Variants in KIF3A observed in about 807,000 individuals in gnomAD.
The protein encoded by KIF3A is kinesin-like protein KIF3A.
KIF3A carries 27 observed loss-of-function variants against 92.6 expected under a neutral mutation model. The observed-to-expected ratio is 0.29, with a 90% CI of 0.21 to 0.40. The LOEUF is 0.40. Among genes scored for constraint, KIF3A ranks in the 10% least tolerant of loss-of-function variants. The pLI is 1.00. For missense variants in KIF3A, 581 were observed against 872.6 expected (o/e 0.67, Z 4.21); for synonymous variants, 250 against 275.4 (o/e 0.91, Z 0.92).
chr5:132,732,334 A>C (rs1210177511), intron 2 of KIF3A, among the ~76,000 whole-genome samples: 1 of 152,224 alleles, frequency 6.6e-6, no homozygotes, highest in Admixed American at 6.5e-5. Flanking sequence ...AGAGAAACTA[A>C]ACATATGTTC....
intron 5 of KIF3A, among the ~76,000 whole-genome samples, chr5:132,718,767 T>C (rs1186648534): frequency 6.6e-6 from 1 of 152,176 alleles, no homozygotes; most frequent in African/African-American, 2.4e-5. Context: ...GCTGGGATTA[T>C]AGGCGTAAGC....
intron 2 of KIF3A, among the ~76,000 whole-genome samples, chr5:132,732,736 C>T (rs1484871144): frequency 2.0e-5 from 3 of 152,110 alleles, no homozygotes; most frequent in Non-Finnish European, 2.9e-5. Flanking sequence ...GGTGAAACCC[C>T]GTCTCTACTA....
chr5:132,692,234 C>T (rs183920537), downstream of KIF3A, among the ~76,000 whole-genome samples: 16 of 151,954 alleles, frequency 1.1e-4, no homozygotes, highest in Middle Eastern at 6.8e-3. Context: ...CTTATGAACA[C>T]GAAGAAGGAA....
intron 18 of KIF3A, chr5:132,697,980 C>T (rs916546685): frequency 2.0e-5 from 3 of 152,168 alleles, no homozygotes; most frequent in African/African-American, 7.2e-5. Flanking sequence ...TTTCTTAGAA[C>T]TGATTTGCTT....
chr5:132,724,809 A>AAAT (rs1385956122), intron 4 of KIF3A, among the ~76,000 whole-genome samples: 228 of 10,496 alleles, frequency 0.022, 26 homozygotes, highest in African/African-American at 0.046. Flanking sequence ...AAAAAAAAAT[A>AAAT]TATATATATA....
chr5:132,709,036 AACAC>A, intron 9 of KIF3A, 58 bp from the exon 10 acceptor site: 1 of 1,280,188 alleles, frequency 7.8e-7, no homozygotes, highest in Non-Finnish European at 1.1e-6. Context: ...CAAGAAAATG[AACAC>A]ACACACAGAG....
At chr5:132,704,111 A>C (rs188191400) in intron 11 of KIF3A, among the ~76,000 whole-genome samples, 122 of 152,090 alleles carry the variant, frequency 8.0e-4, no homozygotes, top group Non-Finnish European at 1.4e-3. Context: ...TGAAAATATC[A>C]GGCAGAATTT....
At chr5:132,731,713 A>AT (rs57057488) in intron 2 of KIF3A, among the ~76,000 whole-genome samples, 2,723 of 143,032 alleles carry the variant, frequency 0.019, 68 homozygotes, top group African/African-American at 0.058. Flanking sequence ...TGCAAACAAC[A>AT]TTTTTTTTTT....
chr5:132,704,441 C>A (rs1418694958), intron 11 of KIF3A, among the ~76,000 whole-genome samples: 1 of 151,856 alleles, frequency 6.6e-6, no homozygotes, highest in East Asian at 1.9e-4. Flanking sequence ...TGGAATATGG[C>A]TTCCAATTGA....
chr5:132,708,411 CTTT>C (rs1753298580), intron 10 of KIF3A, among the ~76,000 whole-genome samples: 1 of 151,026 alleles, frequency 6.6e-6, no homozygotes, highest in South Asian at 2.1e-4. Flanking sequence ...TTATGTTTTT[CTTT>C]ATTTGGGAGC....
chr5:132,704,129 G>A (rs1753134427), intron 11 of KIF3A, among the ~76,000 whole-genome samples: 1 of 151,894 alleles, frequency 6.6e-6, no homozygotes, highest in African/African-American at 2.4e-5. Flanking sequence ...TTTACATCAA[G>A]TAGTTTTAAT....
chr5:132,701,200 A>C (rs1259891549), intron 15 of KIF3A, among the ~76,000 whole-genome samples: 2 of 152,164 alleles, frequency 1.3e-5, no homozygotes, highest in African/African-American at 2.4e-5. Flanking sequence ...GATTCAAAAC[A>C]GATTTTTAAA....
At chr5:132,731,200 C>T (rs76124466) in intron 2 of KIF3A, among the ~76,000 whole-genome samples, 3,884 of 152,162 alleles carry the variant, frequency 0.026, 172 homozygotes, top group African/African-American at 0.09. Flanking sequence ...TATCACAATA[C>T]CCAAACCAGA....
chr5:132,703,818 T>C (rs1011915278), intron 11 of KIF3A, among the ~76,000 whole-genome samples, 199 bp from the exon 12 acceptor site: 10 of 151,874 alleles, frequency 6.6e-5, no homozygotes, highest in Non-Finnish European at 1.2e-4. Flanking sequence ...CATTGCTAAA[T>C]TCAAACTGTT....
intron 2 of KIF3A, among the ~76,000 whole-genome samples, chr5:132,728,710 C>T (rs932468318): frequency 4.0e-5 from 6 of 151,868 alleles, no homozygotes; most frequent in African/African-American, 1.5e-4. Context: ...GCACTCCAGC[C>T]AGGGTGACAG....
At chr5:132,690,812 AGCTACTCGGGAGGCTGAG>A (rs370061262), downstream of KIF3A, among the ~76,000 whole-genome samples, 2,358 of 152,240 alleles carry the variant, frequency 0.015, 66 homozygotes, top group African/African-American at 0.054. Flanking sequence ...CTATAGTCCC[AGCTACTCGGGAGGCTGAG>A]GCAGGAGAAT....
intron 2 of KIF3A, among the ~76,000 whole-genome samples, chr5:132,727,707 G>C (rs1396007685): frequency 6.6e-6 from 1 of 152,156 alleles, no homozygotes; most frequent in African/African-American, 2.4e-5. Context: ...AATCAGAGGA[G>C]TGACATCATG....
chr5:132,716,115 CA>C, intron 7 of KIF3A, 129 bp downstream of exon 7: 1 of 890,978 alleles, frequency 1.1e-6, no homozygotes, highest in Non-Finnish European at 1.7e-6. Context: ...GAGTGTACCA[CA>C]AAAAGGACAA....
chr5:132,726,372 T>G lies in KIF3A; in HGVS notation c.407A>C (p.Lys136Thr). Residue 136 changes from lysine (K) to threonine (T), a missense_variant, in exon 3 of 19, where the codon AAA (lysine) becomes ACA (threonine). This residue lies in a region of KIF3A where 217 missense variants were observed against 299.7 expected (regional missense o/e 0.72). Coordinates refer to ENST00000403231, the MANE Select transcript of KIF3A (RefSeq NM_001300791.2). ...CTTTTACCTTGTATCACCCTCCGCTTTTGCAATATGACCAAATATGTGAGC... is the reference window on the plus strand; with the variant it reads ...CTTTTACCTTGTATCACCCTCCGCTGTTGCAATATGACCAAATATGTGAGC... ...SFAHIFGHIA[K>T]AEGDTRFLVR... 6.2e-7 allele frequency: 1 copy of G among 1,613,834 alleles called. No homozygotes were observed. Among genetic ancestry groups the G allele is most frequent in the Non-Finnish European group, 8.5e-7 (1 of 1,179,804 alleles).
Sources: gnomAD v4.1 joint callset for allele counts (sites outside exome capture counted in the v4.1 genomes callset) on GRCh38, gnomAD v4.1.1 for gene constraint, gnomAD v4.1.1 regional missense constraint, MANE v1.5 for transcripts, NCBI Gene and HGNC (gene_info 2026-07-23, HGNC 2026-07-21) for gene names.